Variants in DST observed in about 807,000 individuals in gnomAD.
The protein encoded by DST is bullous pemphigoid antigen.
In DST, 253 loss-of-function variants were observed where a neutral mutation model predicts 875.2. The observed-to-expected ratio is 0.29, with a 90% CI of 0.26 to 0.32. The LOEUF (loss-of-function observed/expected upper bound fraction) is 0.32. Among genes scored for constraint, DST ranks in the 10% least tolerant of loss-of-function variants. The probability of loss-of-function intolerance (pLI) is 1.00; values close to 1 mark genes in which losing one functional copy is unlikely to be tolerated. For synonymous variants in DST, 3,124 were observed against 3,197.1 expected, an observed-to-expected ratio of 0.98 and a Z score of 0.77; for missense variants, 8,287 against 9,111.6, an observed-to-expected ratio of 0.91 and a Z score of 3.68.
chr6:56,936,826 T>G (rs1813251043), intron 2 of DST, among the ~76,000 whole-genome samples: 1 of 151,094 alleles, frequency 6.6e-6, no homozygotes, highest in African/African-American at 2.4e-5. Context: ...TTAGATGAAA[T>G]GAACCATTTA....
At chr6:56,562,086 TA>T in intron 56 of DST, 51 bp downstream of exon 56, 5 of 1,221,644 alleles carry the variant, frequency 4.1e-6, no homozygotes, top group South Asian at 3.2e-5. Flanking sequence ...TTTCTCTTAT[TA>T]AAAAAACATC....
chr6:56,537,879 C>T (rs962377968), intron 61 of DST, among the ~76,000 whole-genome samples: 1 of 152,128 alleles, frequency 6.6e-6, no homozygotes, highest in African/African-American at 2.4e-5. Context: ...TAATATTTGC[C>T]AATATTTATT....
chr6:56,632,808 A>T lies in DST; in HGVS notation c.3805+46T>A, dbSNP rs545410408. On this transcript the variant is annotated intron_variant, in intron 28 of 103. Coordinates refer to ENST00000680361, the MANE Select transcript of DST (RefSeq NM_001374736.1). ...CCATTGAGAGCAAAAAATAGCCAGA[A>T]CTAAACACCTATGGGGAAAAAAAGA... The T allele has an allele frequency of 2.6e-6, 4 of 1,553,154 alleles. No homozygotes were observed. In the African/African-American group the frequency reaches 4.1e-5, roughly 16 times the overall value.
At chr6:56,701,437 C>T (rs2099305695) in intron 8 of DST, among the ~76,000 whole-genome samples, 1 of 151,792 alleles carries the variant, frequency 6.6e-6, no homozygotes, top group African/African-American at 2.4e-5. Flanking sequence ...TTTCCTTATC[C>T]CTACTATGAA....
At chr6:56,508,429 A>G in intron 75 of DST, 100 bp downstream of exon 75, 1 of 947,842 alleles carries the variant, frequency 1.1e-6, no homozygotes, top group South Asian at 1.5e-5. Flanking sequence ...AGAACCAAAT[A>G]TAAATGTTAA....
intron 2 of DST, among the ~76,000 whole-genome samples, chr6:56,913,485 G>A (rs1459740195): frequency 6.6e-6 from 1 of 152,192 alleles, no homozygotes; most frequent in African/African-American, 2.4e-5. Flanking sequence ...ACACAGCCAT[G>A]TCCATTCATT....
intron 49 of DST, among the ~76,000 whole-genome samples, chr6:56,589,339 A>T (rs1429028617): frequency 6.6e-6 from 1 of 152,192 alleles, no homozygotes; most frequent in Non-Finnish European, 1.5e-5. Context: ...TTTAATTCCT[A>T]GCAAGTATCA....
intron 73 of DST, among the ~76,000 whole-genome samples, chr6:56,510,664 C>T (rs906280737): frequency 6.6e-6 from 1 of 152,114 alleles, no homozygotes; most frequent in African/African-American, 2.4e-5. Flanking sequence ...GTGACACTGG[C>T]CCACTCTAAT....
chr6:56,667,345 A>G (rs2099077135), intron 10 of DST, among the ~76,000 whole-genome samples: 1 of 152,254 alleles, frequency 6.6e-6, no homozygotes, highest in Non-Finnish European at 1.5e-5. Context: ...AGAAATACAC[A>G]CAATTCAACT....
chr6:56,881,041 G>A (rs1781948334), intron 3 of DST, among the ~76,000 whole-genome samples: 1 of 151,240 alleles, frequency 6.6e-6, no homozygotes, highest in African/African-American at 2.4e-5. Context: ...AGTAGAGACG[G>A]GGTTTCACCG....
In DST at chr6:56,470,190, C is replaced by T. The variant is rs1473236604; in HGVS notation, c.22414G>A (p.Ala7472Thr). 1.2e-6 allele frequency: 2 copies of T among 1,612,402 alleles called. No individual in the cohort carries two copies. Among genetic ancestry groups the T allele is most frequent in the Non-Finnish European group, 1.7e-6 (2 of 1,179,156 alleles). ...GYIDYYEFVA[A>T]LHPNKDAYKP... ...TATGCATCTTTATTTGGGTGAAGGG[C>T]TGCTACAAATTCATAGTAGTCAATA... Residue 7472 changes from alanine (A) to threonine (T), a missense_variant, in exon 96 of 104, where the codon GCC becomes ACC. Transcript: ENST00000680361.
chr6:56,930,514 AAT>A (rs559207338), intron 2 of DST, among the ~76,000 whole-genome samples: 182 of 152,350 alleles, frequency 1.2e-3, no homozygotes, highest in African/African-American at 3.7e-3. Context: ...TTTTGTATAC[AAT>A]ATTCAATGAT....
Position 56,458,812 on chromosome 6 carries a change from G to C in DST, c.*193C>G, listed in dbSNP as rs1402090889. On this transcript the variant is annotated 3_prime_UTR_variant, in exon 104 of 104. Coordinates refer to ENST00000680361, the MANE Select transcript of DST (RefSeq NM_001374736.1). Reference sequence around the variant, plus strand: ...AACTTTTCCTCCTCACATATGATGTGACTTTAACCCCAGAATATCTGACAA... The same window carrying C: ...AACTTTTCCTCCTCACATATGATGTCACTTTAACCCCAGAATATCTGACAA... 1 of 579,844 alleles carries C rather than the reference G, an allele frequency of 1.7e-6. No homozygotes were observed. Among genetic ancestry groups the C allele is most frequent in the Non-Finnish European group, 2.8e-6 (1 of 357,896 alleles). 35.9% of individuals were successfully genotyped at this position (579,844 alleles called of 1,614,324 possible).
chr6:56,720,249 T>C (rs1200247664), intron 5 of DST, among the ~76,000 whole-genome samples: 1 of 152,176 alleles, frequency 6.6e-6, no homozygotes, highest in Non-Finnish European at 1.5e-5. Context: ...TCCCATTTGC[T>C]TTTGAAAGAA....
chr6:56,935,667 C>A (rs541974192), intron 2 of DST, among the ~76,000 whole-genome samples: 2 of 152,306 alleles, frequency 1.3e-5, no homozygotes, highest in South Asian at 4.1e-4. Context: ...GTAGCTCACA[C>A]CTGTAATCCC....
intron 8 of DST, among the ~76,000 whole-genome samples, chr6:56,700,407 A>C (rs1317731001): frequency 6.6e-6 from 1 of 152,176 alleles, no homozygotes; most frequent in African/African-American, 2.4e-5. Flanking sequence ...AATTAGAAAA[A>C]ATTTTGTCTT....
At position 56,642,078 on chromosome 6, in the gene DST, T is replaced by C. The variant is rs2098911635; in HGVS notation, c.1896A>G (p.Gly632=). The C allele has an allele frequency of 1.9e-6, 3 of 1,612,626 alleles. No homozygotes were observed. The highest frequency in any genetic ancestry group is 1.7e-6 in the Non-Finnish European group (2 of 1,178,940). ...LQSDSKRLES[G]VQFQNEAEIA... The stretch of plus-strand genomic sequence containing the variant: ...TTTCTGCTTCATTCTGAAACTGCAC[T>C]CCTGATTCTAATCTTTTAGAATCCT... Residue 632 remains glycine, a synonymous_variant, in exon 17 of 104, where the codon GGA becomes GGG. Transcript: ENST00000680361.
chr6:56,775,315 T>C (rs755959520), intron 4 of DST, among the ~76,000 whole-genome samples: 4 of 152,192 alleles, frequency 2.6e-5, no homozygotes, highest in Admixed American at 6.5e-5. Flanking sequence ...GTCATTACTA[T>C]CCACAAACTT....
intron 13 of DST, among the ~76,000 whole-genome samples, chr6:56,647,460 C>T (rs1384953179): frequency 1.3e-5 from 2 of 152,160 alleles, no homozygotes; most frequent in Non-Finnish European, 2.9e-5. Flanking sequence ...TGCAGGAGCA[C>T]AATGAATAAC....
Sources: allele counts gnomAD v4.1 joint callset (sites outside exome capture counted in the v4.1 genomes callset), GRCh38; gene constraint gnomAD v4.1.1; transcripts MANE v1.5; gene names NCBI Gene and HGNC (gene_info 2026-07-23, HGNC 2026-07-21).